The following RTKN2 variants were observed in gnomAD, a reference collection of about 807,000 sequenced individuals.
RTKN2 encodes the protein rhotekin 2.
In RTKN2, 69 loss-of-function variants were observed where a neutral mutation model predicts 71.5. The observed-to-expected ratio is 0.96, with a 90% confidence interval of 0.79 to 1.18. RTKN2 has a LOEUF of 1.18. Ranked by LOEUF, RTKN2 falls within the 50% of genes most tolerant of loss-of-function variation. RTKN2 has a pLI of 0.00. For synonymous variants in RTKN2, 236 were observed against 236.5 expected (o/e 1.00, Z 0.02); for missense variants, 724 against 719.7 (o/e 1.01, Z -0.07).
rs546658021 is a variant in RTKN2, at chr10:62,187,481, C to G, written c.862-3094G>C. Among the ~76,000 whole-genome samples the G allele has an allele frequency of 2.0e-5, 3 of 152,220 alleles. No individual in the cohort carries two copies. In the East Asian group the frequency reaches 5.8e-4, roughly 29 times the overall value. On this transcript the variant is annotated intron_variant, in intron 8 of 8. Transcript: ENST00000315289. ...CAGGCCTCTCCTTTCCTTTTGTGTA[C>G]TGAAGAGAATTACACACATTCAGTC...
In RTKN2 at chr10:62,268,548, C is replaced by A; in HGVS notation, c.60+3G>T. 1 of 1,555,190 alleles carries A rather than the reference C, an allele frequency of 6.4e-7. No homozygotes were observed. Among genetic ancestry groups the A allele is most frequent in the African/African-American group, 1.4e-5 (1 of 73,586 alleles). ...CCGCGGCAGGGTCCCTCCCGCAACT[C>A]ACCTGCTGGGTGGGAAGCCCCGCCA... On this transcript the variant is annotated splice_donor_region_variant and intron_variant, in intron 1 of 11. Coordinates refer to ENST00000373789, the MANE Select transcript of RTKN2 (RefSeq NM_145307.4).
At chr10:62,263,601 A>C (rs186212368) in intron 1 of RTKN2, among the ~76,000 whole-genome samples, 1 of 152,202 alleles carries the variant, frequency 6.6e-6, no homozygotes, top group Admixed American at 6.5e-5. Context: ...TGAATTAACC[A>C]AGAAAAACAT....
chr10:62,218,331 C>A, intron 7 of RTKN2, 30 bp from the exon 8 acceptor site: 1 of 1,335,982 alleles, frequency 7.5e-7, no homozygotes, highest in Non-Finnish European at 1.1e-6. Flanking sequence ...AAAAAAAAAT[C>A]AAGTTATAAA....
At chr10:62,236,872 A>G (rs536492282) in intron 5 of RTKN2, among the ~76,000 whole-genome samples, 1 of 152,032 alleles carries the variant, frequency 6.6e-6, no homozygotes, top group South Asian at 2.1e-4. Context: ...TAGAAATGAA[A>G]ATATTGTGTG....
At chr10:62,219,369 A>G (rs997452227) in intron 7 of RTKN2, among the ~76,000 whole-genome samples, 3 of 152,210 alleles carry the variant, frequency 2.0e-5, no homozygotes, top group Non-Finnish European at 2.9e-5. Context: ...TGAATGAAGA[A>G]GTAGCCCAGA....
intron 8 of RTKN2, among the ~76,000 whole-genome samples, chr10:62,187,023 C>T (rs138889714): frequency 1.2e-3 from 189 of 152,304 alleles, no homozygotes; most frequent in African/African-American, 4.4e-3. Flanking sequence ...GTTCTCCACC[C>T]TAAGCATTTT....
chr10:62,184,914 G>C (rs1841110455), intron 8 of RTKN2, among the ~76,000 whole-genome samples: 1 of 152,186 alleles, frequency 6.6e-6, no homozygotes, highest in South Asian at 2.1e-4. Context: ...AGTCTTGCCT[G>C]AAGCTCAATT....
intron 2 of RTKN2, among the ~76,000 whole-genome samples, chr10:62,246,335 T>G (rs1277417869): frequency 6.6e-6 from 1 of 152,110 alleles, no homozygotes; most frequent in Non-Finnish European, 1.5e-5. Flanking sequence ...TTGTGATCAT[T>G]TATATCTGTA....
At chr10:62,214,767 T>A (rs1841732366) in intron 9 of RTKN2, among the ~76,000 whole-genome samples, 1 of 152,150 alleles carries the variant, frequency 6.6e-6, no homozygotes, top group South Asian at 2.1e-4. Flanking sequence ...TTTTTAACTT[T>A]CAAAATTGAT....
chr10:62,224,841 G>A (rs1281495331), intron 6 of RTKN2, among the ~76,000 whole-genome samples: 1 of 152,112 alleles, frequency 6.6e-6, no homozygotes, highest in African/African-American at 2.4e-5. Context: ...AGTGTGGCTA[G>A]TGCACAGCAA....
rs780630999 is a variant in RTKN2, at chr10:62,217,246, T to A, written c.892A>T (p.Met298Leu). Residue 298 changes from methionine (M) to leucine (L), a missense_variant, in exon 9 of 12, where the codon ATG becomes TTG. Met to Leu is a conservative substitution (Grantham distance 15). Transcript: ENST00000373789. ...CTCCAACTAATCAGACCTTCTACCA[T>A]TTGCTGAAAAAAAAAAAAAAAAAAT... ...AFAGFLNQQQ[M>L]VEGLISWRRL... The A allele has an allele frequency of 6.8e-7, 1 of 1,466,006 alleles. No homozygotes were observed. The highest frequency in any genetic ancestry group is 1.3e-5 in the South Asian group (1 of 74,798). The allele number at this position is 1,466,006 out of a possible 1,614,324, so 90.8% of individuals were successfully genotyped here. A position where few individuals can be genotyped will look rare whatever the true frequency, so the allele number is the denominator to read the frequency against.
chr10:62,208,998 G>A (rs1055962285), intron 9 of RTKN2, among the ~76,000 whole-genome samples: 9 of 152,180 alleles, frequency 5.9e-5, no homozygotes, highest in African/African-American at 1.9e-4. Context: ...GGCTGGGTGC[G>A]GTGGCTCATG....
intron 3 of RTKN2, among the ~76,000 whole-genome samples, chr10:62,242,999 ATACTTT>A (rs1842409715): frequency 6.6e-6 from 1 of 152,052 alleles, no homozygotes; most frequent in Non-Finnish European, 1.5e-5. Context: ...TATTATTATT[ATACTTT>A]AAGTTTTAGG....
At chr10:62,230,716 T>C (rs1196451674) in intron 6 of RTKN2, among the ~76,000 whole-genome samples, 1 of 152,180 alleles carries the variant, frequency 6.6e-6, no homozygotes, top group Non-Finnish European at 1.5e-5. Context: ...CTGACTTGCC[T>C]GTAGCTTGCA....
intron 6 of RTKN2, among the ~76,000 whole-genome samples, chr10:62,235,665 G>A (rs1165319372): frequency 2.7e-5 from 2 of 75,436 alleles, no homozygotes. Flanking sequence ...ATATGTATAA[G>A]GTGTGTGTGT....
In RTKN2 at chr10:62,195,471, A is replaced by T. The variant is rs1311712320; in HGVS notation, c.*2437T>A. 2.1e-6 allele frequency: 2 copies of T among 958,972 alleles called. No homozygotes were observed. The highest frequency in any genetic ancestry group is 2.5e-6 in the Non-Finnish European group (2 of 806,198). The allele number at this position is 958,972 out of a possible 1,614,324, so 59.4% of individuals were successfully genotyped here. ...AGATTTTTTTTTTAAACTGTAAAGG[A>T]AGGGAGGAAGGAGAGACAGAAGGAA... On this transcript the variant is annotated 3_prime_UTR_variant, in exon 12 of 12. Coordinates refer to ENST00000373789, the MANE Select transcript of RTKN2 (RefSeq NM_145307.4).
intron 3 of RTKN2, among the ~76,000 whole-genome samples, chr10:62,245,330 A>G (rs1368881851): frequency 1.3e-5 from 2 of 152,174 alleles, no homozygotes; most frequent in African/African-American, 2.4e-5. Flanking sequence ...GAATGTAGTT[A>G]TTTCACAAGC....
chr10:62,238,725 A>T (rs1422931892), intron 5 of RTKN2: 7 of 151,954 alleles, frequency 4.6e-5, no homozygotes, highest in African/African-American at 1.7e-4. Flanking sequence ...AGGCTATACT[A>T]TTACTATGAG....
downstream of RTKN2, among the ~76,000 whole-genome samples, chr10:62,188,584 G>C (rs954304521): frequency 1.3e-5 from 2 of 152,014 alleles, no homozygotes; most frequent in Admixed American, 1.3e-4. Context: ...TGTTCCTGCT[G>C]CTCAGAATGC....
Sources: allele counts gnomAD v4.1 joint callset (sites outside exome capture counted in the v4.1 genomes callset), GRCh38; gene constraint gnomAD v4.1.1; transcripts MANE v1.5; gene names NCBI Gene and HGNC (gene_info 2026-07-23, HGNC 2026-07-21).